The following DMD variants were observed in gnomAD, a reference collection of about 807,000 sequenced individuals.
The protein encoded by DMD is mutant dystrophin.
In DMD, 63 loss-of-function variants were observed where a neutral mutation model predicts 330.1. The ratio of observed to expected loss-of-function variants is 0.19; its 90% CI spans 0.16 to 0.24. The LOEUF (loss-of-function observed/expected upper bound fraction) is 0.24. Among genes scored for constraint, DMD ranks in the 10% least tolerant of loss-of-function variants. The pLI is 1.00. For synonymous variants in DMD, 1,223 were observed against 959.8 expected, an observed-to-expected ratio of 1.27 and a Z score of -5.07; for missense variants, 3,344 against 2,684.1, an observed-to-expected ratio of 1.25 and a Z score of -5.43.
At chrX:32,702,915 G>GA (rs1392130733) in intron 7 of DMD, among the ~76,000 whole-genome samples, 1 of 111,515 alleles carries the variant, frequency 9.0e-6, no homozygotes, top group Non-Finnish European at 1.9e-5. Flanking sequence ...GGAAGAGGAC[G>GA]AAAGAGGACA....
intron 50 of DMD, among the ~76,000 whole-genome samples, chrX:31,806,559 G>A (rs2092297294): frequency 8.9e-6 from 1 of 112,789 alleles, no homozygotes; most frequent in Non-Finnish European, 1.9e-5. Flanking sequence ...TCATGTGACA[G>A]TCTGATCAAA....
intron 11 of DMD, among the ~76,000 whole-genome samples, chrX:32,619,921 T>C (rs1257699972): frequency 9.0e-6 from 1 of 111,001 alleles, no homozygotes; most frequent in African/African-American, 3.3e-5. Flanking sequence ...TAGCTGTAGT[T>C]TAAGAGGAAC....
intron 2 of DMD, among the ~76,000 whole-genome samples, chrX:32,884,035 C>A (rs975386986): frequency 9.1e-6 from 1 of 109,438 alleles, no homozygotes. Context: ...TACTCTATCC[C>A]TTGCCTGTTT....
In DMD at chrX:32,823,204, A is replaced by G. The variant is rs964381083; in HGVS notation, c.357+91T>C. The G allele has an allele frequency of 8.2e-6, 6 of 733,897 alleles. No homozygotes were observed. The African/African-American group carries it at 1.0e-4, about 13-fold the overall frequency. 60.5% of individuals were successfully genotyped at this position (733,897 alleles called of 1,213,427 possible). A position where few individuals can be genotyped will look rare whatever the true frequency, so the allele number is the denominator to read the frequency against. ...CTATGGAGCAGGGTTTGTTATTGTT[A>G]GAAATACACATTTGTTTCACACGTC... is the stretch of plus-strand genomic sequence containing the variant. On this transcript the variant is annotated intron_variant, in intron 5 of 78. Coordinates refer to ENST00000357033, the MANE Select transcript of DMD (RefSeq NM_004006.3).
chrX:32,208,495 T>C (rs947826126), intron 44 of DMD, among the ~76,000 whole-genome samples: 9 of 111,536 alleles, frequency 8.1e-5, no homozygotes, highest in Middle Eastern at 4.6e-3. Context: ...CTGCCTCTGA[T>C]TCCCAAAGTC....
At chrX:31,278,808 A>G (rs1034830669) in intron 62 of DMD, among the ~76,000 whole-genome samples, 9 of 112,114 alleles carry the variant, frequency 8.0e-5, no homozygotes, top group Non-Finnish European at 1.5e-4. Context: ...GCCTGACAGA[A>G]TGGTCACATT....
rs181837134 is a variant in DMD, at chrX:31,972,705, A to G, written c.6439-4191T>C. The stretch of plus-strand genomic sequence containing the variant: ...GATGTTTCAAGAATCCAATACTGAG[A>G]TTTACTTGTAATTTTGTTCATGAAT... On this transcript the variant is annotated intron_variant, in intron 44 of 78. Coordinates refer to ENST00000357033, the MANE Select transcript of DMD (RefSeq NM_004006.3). Among the ~76,000 whole-genome samples, 119 of 111,902 alleles carry G rather than the reference A, an allele frequency of 1.1e-3. 1 individual carries two copies. The highest frequency in any genetic ancestry group is 3.7e-3 in the African/African-American group (113 of 30,857).
At chrX:31,395,635 C>T (rs910491311) in intron 60 of DMD, among the ~76,000 whole-genome samples, 1 of 112,064 alleles carries the variant, frequency 8.9e-6, no homozygotes, top group African/African-American at 3.2e-5. Flanking sequence ...AGATAGTACA[C>T]CCTTTTTGCC....
intron 55 of DMD, among the ~76,000 whole-genome samples, chrX:31,598,421 G>T (rs1317128542): frequency 9.0e-6 from 1 of 111,616 alleles, no homozygotes; most frequent in Non-Finnish European, 1.9e-5. Context: ...ACCTTGCCTG[G>T]CTGTGTGTAT....
chrX:32,495,606 C>A (rs748666758), intron 19 of DMD, among the ~76,000 whole-genome samples: 156 of 111,634 alleles, frequency 1.4e-3, no homozygotes, highest in African/African-American at 4.5e-3. Context: ...CATCTAAATG[C>A]CAGAACTACT....
At chrX:32,456,905 G>C (rs894840539) in intron 25 of DMD, among the ~76,000 whole-genome samples, 2 of 103,221 alleles carry the variant, frequency 1.9e-5, no homozygotes, top group African/African-American at 7.1e-5. Context: ...TGGAGGTGTT[G>C]AGTGGGCAAA....
At chrX:32,784,486 C>T (rs770187938) in intron 7 of DMD, among the ~76,000 whole-genome samples, 1 of 111,642 alleles carries the variant, frequency 9.0e-6, no homozygotes, top group East Asian at 2.8e-4. Context: ...GAAAATAAAT[C>T]CAGAACTTTT....
At chrX:31,179,546 T>A (rs1421493882) in intron 69 of DMD, among the ~76,000 whole-genome samples, 1 of 111,873 alleles carries the variant, frequency 8.9e-6, no homozygotes, top group Non-Finnish European at 1.9e-5. Flanking sequence ...ACTGTAAGAA[T>A]TAAAGAAAGA....
rs144101688 is a variant in DMD, at chrX:31,228,479, C to T, written c.9287-5358G>A. On this transcript the variant is annotated intron_variant, in intron 63 of 78. Transcript: ENST00000357033. ...TAGGAGTCTGCAGCACCACTCCCTC[C>T]GGCTTACAGCTGGAAGAGATAAGTC... Among the ~76,000 whole-genome samples the T allele has an allele frequency of 3.5e-3, 391 of 110,755 alleles. 1 individual carries two copies. Among genetic ancestry groups the T allele is most frequent in the Non-Finnish European group, 5.7e-3 (300 of 52,863 alleles).
At chrX:31,280,872 A>G (rs1035209395) in intron 62 of DMD, among the ~76,000 whole-genome samples, 3 of 112,228 alleles carry the variant, frequency 2.7e-5, no homozygotes, top group African/African-American at 9.7e-5. Flanking sequence ...CAGTCATTTC[A>G]GTCTTGAAAA....
At chrX:32,159,431 T>A (rs1403707392) in intron 44 of DMD, among the ~76,000 whole-genome samples, 1 of 112,289 alleles carries the variant, frequency 8.9e-6, no homozygotes, top group African/African-American at 3.2e-5. Flanking sequence ...CTCTGCAAAC[T>A]TAGTTTAACA....
At chrX:32,783,008 C>T (rs1439410262) in intron 7 of DMD, among the ~76,000 whole-genome samples, 1 of 103,056 alleles carries the variant, frequency 9.7e-6, no homozygotes, top group African/African-American at 3.5e-5. Context: ...TATACACACA[C>T]ACGTATATAT....
At chrX:33,297,168 C>G (rs1232755156) in intron 1 of DMD, among the ~76,000 whole-genome samples, 1 of 111,230 alleles carries the variant, frequency 9.0e-6, no homozygotes, top group African/African-American at 3.2e-5. Flanking sequence ...TACACACACA[C>G]ATTAGTGTAC....
chrX:31,453,309 G>A (rs762538345), intron 59 of DMD, among the ~76,000 whole-genome samples: 113 of 110,845 alleles, frequency 1.0e-3, no homozygotes, highest in African/African-American at 3.6e-3. Flanking sequence ...TTACAGGTGT[G>A]CACCACCACG....
Sources: allele counts gnomAD v4.1 joint callset (sites outside exome capture counted in the v4.1 genomes callset), GRCh38; gene constraint gnomAD v4.1.1; transcripts MANE v1.5; gene names NCBI Gene and HGNC (gene_info 2026-07-23, HGNC 2026-07-21).